Variants in GRIK5 observed in about 807,000 individuals in gnomAD.
The protein encoded by GRIK5 is glutamate ionotropic receptor kainate type subunit 5, also known as glutamate receptor ionotropic, kainate 5.
A neutral mutation model predicts 97.4 loss-of-function variants in GRIK5; 43 were observed. That is an observed-to-expected ratio of 0.44 (90% CI 0.35 to 0.57). The LOEUF (loss-of-function observed/expected upper bound fraction) is 0.57, where lower values mean the gene tolerates loss of function less well. Among genes scored for constraint, GRIK5 ranks in the 20% least tolerant of loss-of-function variants. GRIK5 has a pLI of 0.01. For missense variants in GRIK5, 1,015 were observed against 1,382.0 expected (o/e 0.73, Z 4.21); for synonymous variants, 580 against 583.5 (o/e 0.99, Z 0.09).
At position 42,002,253 on chromosome 19, in the gene GRIK5, G is replaced by C. The variant is rs782529483; in HGVS notation, c.2514+1079C>G. ...CAGGGAGACCCCCCACTGCTGCCAA[G>C]GCTGTAAAGAGAAGGGAAGAAAGTG... On this transcript the variant is annotated intron_variant, in intron 19 of 19. Coordinates refer to ENST00000593562, the MANE Select transcript of GRIK5 (RefSeq NM_002088.5). The surrounding 1 kb of genome is among the most constrained non-coding windows in gnomAD (Gnocchi z 5.2). 2.8e-6 allele frequency: 2 copies of C among 717,662 alleles called. No individual in the cohort carries two copies. The highest frequency in any genetic ancestry group is 3.0e-5 in the South Asian group (2 of 67,608). 44.5% of individuals were successfully genotyped at this position (717,662 alleles called of 1,614,324 possible). A position where few individuals can be genotyped will look rare whatever the true frequency, so the allele number is the denominator to read the frequency against.
rs2056195100 is a variant in GRIK5, at chr19:42,062,809, G to C, written c.291C>G (p.Ser97=). 7 of 1,613,996 alleles carry C rather than the reference G, an allele frequency of 4.3e-6. No homozygotes were observed. The highest frequency in any genetic ancestry group is 1.1e-5 in the South Asian group (1 of 91,090). ...CGGTGGAGGCAGATGCTGGGCTAGA[G>C]GAGGGCCCAAGGACAGACACAACCC... ...PKGVVSVLGP[S]SSPASASTVS... The change falls in exon 4 of 20, where the codon TCC becomes TCG. Residue 97 remains serine, a synonymous_variant. Transcript: ENST00000593562. The surrounding 1 kb of genome is among the most constrained non-coding windows in gnomAD (Gnocchi z 5.3).
At position 42,018,295 on chromosome 19, in the gene GRIK5, C is replaced by T. The variant is rs1423756263; in HGVS notation, c.1871+3006G>A. On this transcript the variant is annotated intron_variant, in intron 15 of 19. Coordinates refer to ENST00000593562, the MANE Select transcript of GRIK5 (RefSeq NM_002088.5). ...GCCGGGATCGCACCACCACACTCCA[C>T]GCTGGGCGACAGAGCGAGACTCTGT... 8.4e-4 allele frequency among the ~76,000 whole-genome samples: 120 copies of T among 142,266 alleles called. 4 individuals are homozygous for T. The highest frequency in any genetic ancestry group is 3.3e-3 in the African/African-American group (118 of 36,272). The allele number at this position is 142,266 out of a possible 152,430, so 93.3% of individuals were successfully genotyped here. A position where few individuals can be genotyped will look rare whatever the true frequency, so the allele number is the denominator to read the frequency against.
chr19:42,058,554 G>T (rs1477061011), intron 6 of GRIK5, among the ~76,000 whole-genome samples: 1 of 150,420 alleles, frequency 6.6e-6, no homozygotes, highest in African/African-American at 2.4e-5. Flanking sequence ...TTGGCCGGGT[G>T]TGGTGGCTCA....
chr19:42,021,843 G>C lies in GRIK5; in HGVS notation c.1697+104C>G, dbSNP rs1274177073. ...GGCACAGGGAATCCGAGGCCCCAAA[G>C]GGGAGGCCAAGGACAGTTCCGAGAG... On this transcript the variant is annotated intron_variant, in intron 14 of 19. Transcript: ENST00000593562. The surrounding 1 kb of genome is among the most constrained non-coding windows in gnomAD (Gnocchi z 4.2). The C allele has an allele frequency of 1.4e-6, 1 of 706,566 alleles. No homozygotes were observed. Among genetic ancestry groups the C allele is most frequent in the Non-Finnish European group, 2.4e-6 (1 of 409,140 alleles). 43.8% of individuals were successfully genotyped at this position (706,566 alleles called of 1,614,324 possible). A position where few individuals can be genotyped will look rare whatever the true frequency, so the allele number is the denominator to read the frequency against.
Position 42,002,963 on chromosome 19 carries a change from T to TGACCTCAGGTGATCCGCC in GRIK5, c.2514+351_2514+368dup, listed in dbSNP as rs1247635947. On this transcript the variant is annotated intron_variant, in intron 19 of 19. Transcript: ENST00000593562. This position sits in a 1 kb window ranked among gnomAD's most constrained non-coding sequence, Gnocchi z 5.2. ...GTTGGCCAGGCTGATCTTGAACTCC[T>TGACCTCAGGTGATCCGCC]GACCTCAGGTGATCCGCCAGCCTCG... Among the ~76,000 whole-genome samples the TGACCTCAGGTGATCCGCC allele has an allele frequency of 2.6e-5, 4 of 152,150 alleles. No individual in the cohort carries two copies. Among genetic ancestry groups the TGACCTCAGGTGATCCGCC allele is most frequent in the Non-Finnish European group, 5.9e-5 (4 of 68,030 alleles).
Position 42,006,043 on chromosome 19 carries a change from C to T in GRIK5, c.2038-95G>A. 1.4e-6 allele frequency: 1 copy of T among 697,834 alleles called. No individual in the cohort carries two copies. The highest frequency in any genetic ancestry group is 2.6e-6 in the Non-Finnish European group (1 of 383,592). 43.2% of individuals were successfully genotyped at this position (697,834 alleles called of 1,614,324 possible). A position where few individuals can be genotyped will look rare whatever the true frequency, so the allele number is the denominator to read the frequency against. On this transcript the variant is annotated intron_variant, in intron 16 of 19. Coordinates refer to ENST00000593562, the MANE Select transcript of GRIK5 (RefSeq NM_002088.5). The surrounding 1 kb of genome is among the most constrained non-coding windows in gnomAD (Gnocchi z 5.3). ...CATCCTCCAGGAAGTCTCCCTCAACCCAGGAGAATGCAAGGTGATCAAAGG... is the reference window on the plus strand; with the variant it reads ...CATCCTCCAGGAAGTCTCCCTCAACTCAGGAGAATGCAAGGTGATCAAAGG...
At chr19:42,026,143 G>A (rs993824560) in intron 12 of GRIK5, among the ~76,000 whole-genome samples, 16 of 151,914 alleles carry the variant, frequency 1.1e-4, no homozygotes, top group Middle Eastern at 3.4e-3. Context: ...GAGCCACTAC[G>A]CCTGACTAAT....
chr19:42,044,140 C>T (rs1397617074), intron 11 of GRIK5, among the ~76,000 whole-genome samples: 1 of 152,156 alleles, frequency 6.6e-6, no homozygotes, highest in Non-Finnish European at 1.5e-5. Flanking sequence ...ACATCTCTCT[C>T]CTGCTGCCTT....
Position 41,998,893 on chromosome 19 carries a change from C to CG in GRIK5, c.2920dup (p.Arg974ProfsTer160). Reference sequence around the variant, plus strand: ...TGGTCACTCGTGCTCCGCCAGCTCCCGGGGGCCGGCGGGGCCAGGCCGCGG... The same window carrying CG: ...TGGTCACTCGTGCTCCGCCAGCTCCCGGGGGGCCGGCGGGGCCAGGCCGCGG... On this transcript the variant is annotated frameshift_variant, in exon 20 of 20. Coordinates refer to ENST00000593562, the MANE Select transcript of GRIK5 (RefSeq NM_002088.5). LOFTEE classifies it high-confidence loss of function. 2 of 1,109,752 alleles carry CG rather than the reference C, an allele frequency of 1.8e-6. No individual in the cohort carries two copies. Among genetic ancestry groups the CG allele is most frequent in the Non-Finnish European group, 1.1e-6 (1 of 910,540 alleles). The allele number at this position is 1,109,752 out of a possible 1,614,324, so 68.7% of individuals were successfully genotyped here. A position where few individuals can be genotyped will look rare whatever the true frequency, so the allele number is the denominator to read the frequency against.
At chr19:42,008,385 A>G (rs777171909) in intron 15 of GRIK5, among the ~76,000 whole-genome samples, 12 of 151,766 alleles carry the variant, frequency 7.9e-5, no homozygotes, top group Non-Finnish European at 1.8e-4. Context: ...CCAGCATTTT[A>G]GGAGGCTGAG....
At chr19:42,049,638 A>G (rs1171707747) in intron 11 of GRIK5, among the ~76,000 whole-genome samples, 2 of 152,192 alleles carry the variant, frequency 1.3e-5, no homozygotes, top group South Asian at 2.1e-4. Flanking sequence ...TTGGAAGGGC[A>G]TGGGGAGGCT....
chr19:42,066,819 T>C (rs2076339824), intron 1 of GRIK5, among the ~76,000 whole-genome samples: 1 of 150,608 alleles, frequency 6.6e-6, no homozygotes, highest in African/African-American at 2.4e-5. Flanking sequence ...AGACAGAGGA[T>C]GGAGAAAAGA....
At chr19:42,032,222 C>G (rs186403233) in intron 12 of GRIK5, among the ~76,000 whole-genome samples, 1 of 152,312 alleles carries the variant, frequency 6.6e-6, no homozygotes, top group Non-Finnish European at 1.5e-5. Flanking sequence ...ATGGTACATC[C>G]ACATGGAATT....
At chr19:42,058,048 C>T (rs943104549) in intron 6 of GRIK5, among the ~76,000 whole-genome samples, 1 of 152,184 alleles carries the variant, frequency 6.6e-6, no homozygotes, top group Non-Finnish European at 1.5e-5. Context: ...CGGGAGGGGC[C>T]GGGATCCCAG....
At chr19:42,030,994 G>A (rs1368350156) in intron 12 of GRIK5, among the ~76,000 whole-genome samples, 2 of 152,184 alleles carry the variant, frequency 1.3e-5, no homozygotes, top group Admixed American at 6.5e-5. Flanking sequence ...GTCACACTGA[G>A]CAAGACTGTG....
intron 12 of GRIK5, among the ~76,000 whole-genome samples, chr19:42,033,659 T>C (rs955853883): frequency 4.6e-5 from 7 of 152,104 alleles, no homozygotes; most frequent in African/African-American, 1.4e-4. Context: ...CTCCTTAAAG[T>C]GGTTATTTTT....
Position 42,022,769 on chromosome 19 carries a change from G to A in GRIK5, c.1474-415C>T, listed in dbSNP as rs1291697590. ...CAGAACACAGAGCAGGGAGAGAGGA[G>A]GCAGGGCCCAGAAATGACCCCGGGT... On this transcript the variant is annotated intron_variant, in intron 12 of 19. Transcript: ENST00000593562. This position sits in a 1 kb window ranked among gnomAD's most constrained non-coding sequence, Gnocchi z 4.2. The A allele has an allele frequency of 6.3e-6, 4 of 634,578 alleles. No homozygotes were observed. Among genetic ancestry groups the A allele is most frequent in the Non-Finnish European group, 7.8e-6 (4 of 509,674 alleles). 39.3% of individuals were successfully genotyped at this position (634,578 alleles called of 1,614,324 possible). A position where few individuals can be genotyped will look rare whatever the true frequency, so the allele number is the denominator to read the frequency against.
Position 42,042,227 on chromosome 19 carries a change from C to T in GRIK5, c.1473+325G>A, listed in dbSNP as rs2075985667. On this transcript the variant is annotated intron_variant, in intron 12 of 19. Transcript: ENST00000593562. This position sits in a 1 kb window ranked among gnomAD's most constrained non-coding sequence, Gnocchi z 6.9. ...AGCCTTTGACCTCCTCAGACCTTTT[C>T]CTGCTCCCCACTCCATGTCTCTTTC... Among the ~76,000 whole-genome samples, 1 of 152,224 alleles carries T rather than the reference C, an allele frequency of 6.6e-6. No homozygotes were observed. Among genetic ancestry groups the T allele is most frequent in the South Asian group, 2.1e-4 (1 of 4,836 alleles).
chr19:42,033,317 CAAAAAAAAAAA>C lies in GRIK5; in HGVS notation c.1473+9224_1473+9234del, dbSNP rs1006793815. On this transcript the variant is annotated intron_variant, in intron 12 of 19. Coordinates refer to ENST00000593562, the MANE Select transcript of GRIK5 (RefSeq NM_002088.5). ...TGGGCGAGAAAGCAAGACTCCGTCT[CAAAAAAAAAAA>C]AAAAAAAAAAACGGAATGCAGTACT... 9.5e-5 allele frequency among the ~76,000 whole-genome samples: 4 copies of C among 42,204 alleles called. No homozygotes were observed. The South Asian group carries it at 2.2e-3, about 23-fold the overall frequency. 27.7% of individuals were successfully genotyped at this position (42,204 alleles called of 152,430 possible).
Sources: allele counts gnomAD v4.1 joint callset (sites outside exome capture counted in the v4.1 genomes callset), GRCh38; gene constraint gnomAD v4.1.1; non-coding constraint Gnocchi (gnomAD v3.1); transcripts MANE v1.5; gene names NCBI Gene and HGNC (gene_info 2026-07-23, HGNC 2026-07-21).